Variants in HERC4 observed in about 807,000 individuals in gnomAD.
The protein encoded by HERC4 is HECT and RLD domain containing E3 ubiquitin protein ligase 4.
In HERC4, 28 loss-of-function variants were observed where a neutral mutation model predicts 124.3. That is an observed-to-expected ratio of 0.23 (90% CI 0.17 to 0.31). HERC4 has a LOEUF of 0.31. Ranked by LOEUF, HERC4 falls within the 10% of genes least tolerant of loss-of-function variation. The probability of loss-of-function intolerance (pLI) is 1.00; values close to 1 mark genes in which losing one functional copy is unlikely to be tolerated. For synonymous variants in HERC4, 407 were observed against 421.5 expected (o/e 0.97, Z 0.42); for missense variants, 713 against 1,229.3 (o/e 0.58, Z 6.28).
chr10:68,003,347 G>C (rs1010445422), intron 9 of HERC4, among the ~76,000 whole-genome samples: 2 of 75,514 alleles, frequency 2.6e-5, no homozygotes, highest in South Asian at 7.7e-4. Context: ...TTTTTTTTTT[G>C]TATTTTTAGT....
At chr10:68,020,682 T>C (rs1339175689) in intron 8 of HERC4, among the ~76,000 whole-genome samples, 1 of 146,922 alleles carries the variant, frequency 6.8e-6, no homozygotes, top group Non-Finnish European at 1.5e-5. Context: ...GGCAGGAGAA[T>C]GGCGTGAACC....
At position 68,009,292 on chromosome 10, in the gene HERC4, T is replaced by A. The variant is rs117723121; in HGVS notation, c.1069+4734A>T. ...TGACAAGAGTTGGTTTTTCTTTTTTTTCTTTTATAGAGATGAGAGTTAATG... is the reference window on the plus strand; with the variant it reads ...TGACAAGAGTTGGTTTTTCTTTTTTATCTTTTATAGAGATGAGAGTTAATG... On this transcript the variant is annotated intron_variant, in intron 9 of 24. Coordinates refer to ENST00000373700, the MANE Select transcript of HERC4 (RefSeq NM_015601.4). Among the ~76,000 whole-genome samples, 744 of 152,254 alleles carry A rather than the reference T, an allele frequency of 4.9e-3. 5 individuals are homozygous for A. The highest frequency in any genetic ancestry group is 8.9e-3 in the Non-Finnish European group (606 of 68,022).
At chr10:68,067,916 A>C (rs1406844386) in intron 3 of HERC4, 2 of 152,246 alleles carry the variant, frequency 1.3e-5, no homozygotes, top group Non-Finnish European at 2.9e-5. Context: ...TTGTTGGTAC[A>C]ATATTACATC....
At chr10:68,074,044 G>A (rs752299245) in intron 1 of HERC4, 1 of 151,962 alleles carries the variant, frequency 6.6e-6, no homozygotes, top group Non-Finnish European at 1.5e-5. Flanking sequence ...AAAGATTGGC[G>A]GGGGGGAATT....
intron 4 of HERC4, chr10:68,040,435 T>C: frequency 8.0e-6 from 7 of 878,130 alleles, no homozygotes; most frequent in Non-Finnish European, 9.6e-6. Flanking sequence ...CTGTGAATGG[T>C]AAAACAAGGC....
chr10:67,979,126 A>C (rs1445665643), intron 15 of HERC4, among the ~76,000 whole-genome samples: 1 of 152,168 alleles, frequency 6.6e-6, no homozygotes, highest in African/African-American at 2.4e-5. Context: ...ACATGACCTC[A>C]CCAAATGAAC....
At chr10:68,011,197 T>C (rs1034105573) in intron 9 of HERC4, among the ~76,000 whole-genome samples, 1 of 152,168 alleles carries the variant, frequency 6.6e-6, no homozygotes, top group Non-Finnish European at 1.5e-5. Context: ...CCAAGTAGCA[T>C]GTGCCACCAC....
chr10:67,958,780 TA>T (rs1237829509), intron 16 of HERC4, among the ~76,000 whole-genome samples: 1 of 152,216 alleles, frequency 6.6e-6, no homozygotes, highest in Non-Finnish European at 1.5e-5. Flanking sequence ...AGGCATTTGC[TA>T]AATTTTAAAA....
intron 15 of HERC4, among the ~76,000 whole-genome samples, chr10:67,970,575 G>C (rs1031749350): frequency 1.3e-5 from 2 of 148,740 alleles, no homozygotes; most frequent in African/African-American, 5.0e-5. Context: ...CTGGGTGACA[G>C]AGCGAGACTC....
chr10:67,985,817 A>G (rs2036229088), intron 15 of HERC4, among the ~76,000 whole-genome samples: 1 of 152,212 alleles, frequency 6.6e-6, no homozygotes, highest in South Asian at 2.1e-4. Context: ...AAAACTTTCC[A>G]AAGGACATGA....
intron 3 of HERC4, among the ~76,000 whole-genome samples, chr10:68,064,425 A>T (rs2041194042): frequency 6.6e-6 from 1 of 151,354 alleles, no homozygotes; most frequent in African/African-American, 2.4e-5. Context: ...GTGGTGGTGC[A>T]TGCCTGCAAT....
intron 16 of HERC4, among the ~76,000 whole-genome samples, chr10:67,963,345 T>C (rs1017424821): frequency 6.6e-6 from 1 of 152,094 alleles, no homozygotes; most frequent in African/African-American, 2.4e-5. Flanking sequence ...GCCTCCTAAG[T>C]AGCTGGGATT....
chr10:67,941,111 AAT>A lies in HERC4; in HGVS notation c.2338-8_2338-7del, dbSNP rs1315662635. On this transcript the variant is annotated splice_region_variant and splice_polypyrimidine_tract_variant and intron_variant, in intron 19 of 24. Coordinates refer to ENST00000373700, the MANE Select transcript of HERC4 (RefSeq NM_015601.4). Reference sequence around the variant, plus strand: ...AAATCACTGTCTTCAAATGTCTAAAAATATAAGAAAAAGTAAACACATGTCCT... The same window carrying A: ...AAATCACTGTCTTCAAATGTCTAAAAATAAGAAAAAGTAAACACATGTCCT... The A allele has an allele frequency of 1.3e-6, 2 of 1,520,940 alleles. No individual in the cohort carries two copies. 94.2% of individuals were successfully genotyped at this position (1,520,940 alleles called of 1,614,324 possible). A position where few individuals can be genotyped will look rare whatever the true frequency, so the allele number is the denominator to read the frequency against.
intron 23 of HERC4, 141 bp downstream of exon 23, chr10:67,932,456 T>C: frequency 7.6e-6 from 5 of 661,630 alleles, no homozygotes; most frequent in Non-Finnish European, 1.3e-5. Context: ...AATCCATTCA[T>C]TGTGGAGTTT....
chr10:68,036,433 G>A (rs1224751452), intron 5 of HERC4, among the ~76,000 whole-genome samples: 1 of 152,046 alleles, frequency 6.6e-6, no homozygotes, highest in East Asian at 1.9e-4. Flanking sequence ...AAACCTTTGA[G>A]TTTAAATTTA....
chr10:67,956,860 T>C lies in HERC4; in HGVS notation c.2025+18A>G. The C allele has an allele frequency of 1.4e-6, 2 of 1,453,738 alleles. No homozygotes were observed. The highest frequency in any genetic ancestry group is 1.9e-6 in the Non-Finnish European group (2 of 1,069,146). 90.1% of individuals were successfully genotyped at this position (1,453,738 alleles called of 1,614,324 possible). The stretch of plus-strand genomic sequence containing the variant: ...AAGAAACAATTAAAAAAAAAAACCC[T>C]CTCAAATAATATTTTACCTGCATCT... On this transcript the variant is annotated intron_variant, in intron 17 of 24. Transcript: ENST00000373700.
rs187201434 is a variant in HERC4, at chr10:68,037,217, C to T, written c.463+876G>A. 3.6e-3 allele frequency among the ~76,000 whole-genome samples: 545 copies of T among 151,712 alleles called. 3 individuals are homozygous for T. Among genetic ancestry groups the T allele is most frequent in the African/African-American group, 0.013 (534 of 41,350 alleles). Reference sequence around the variant, plus strand: ...TCAAGCGATTCTCCTGCCTCAGCCTCCCGAGTAGCTGGGACTACAGGTGTG... The same window carrying T: ...TCAAGCGATTCTCCTGCCTCAGCCTTCCGAGTAGCTGGGACTACAGGTGTG... On this transcript the variant is annotated intron_variant, in intron 5 of 24. Coordinates refer to ENST00000373700, the MANE Select transcript of HERC4 (RefSeq NM_015601.4).
chr10:67,939,555 A>C, intron 21 of HERC4, 33 bp downstream of exon 21: 6 of 1,422,280 alleles, frequency 4.2e-6, no homozygotes, highest in Non-Finnish European at 5.8e-6. Context: ...GAGATGATAA[A>C]TAATCAGGCT....
chr10:67,986,010 T>C (rs1371235531), intron 15 of HERC4, among the ~76,000 whole-genome samples: 1 of 152,200 alleles, frequency 6.6e-6, no homozygotes, highest in Admixed American at 6.5e-5. Flanking sequence ...AAGGTGTCTT[T>C]GAATAAACAA....
Sources: allele counts gnomAD v4.1 joint callset (sites outside exome capture counted in the v4.1 genomes callset), GRCh38; gene constraint gnomAD v4.1.1; transcripts MANE v1.5; gene names NCBI Gene and HGNC (gene_info 2026-07-23, HGNC 2026-07-21).